Variants in FLVCR2 observed in about 807,000 individuals in gnomAD.
FLVCR2 encodes the protein choline/ethanolamine transporter FLVCR2.
FLVCR2 carries 38 observed loss-of-function variants against 48.9 expected under a neutral mutation model. The observed-to-expected ratio is 0.78, with a 90% CI of 0.60 to 1.02. The LOEUF is 1.02. Ranked by LOEUF, FLVCR2 falls within the 50% of genes least tolerant of loss-of-function variation. FLVCR2 has a pLI of 0.00. For synonymous variants in FLVCR2, 255 were observed against 257.0 expected, an observed-to-expected ratio of 0.99 and a Z score of 0.07; for missense variants, 664 against 663.3, an observed-to-expected ratio of 1.00 and a Z score of -0.01.
At chr14:75,645,933 A>T (rs1385842985) in intron 9 of FLVCR2, among the ~76,000 whole-genome samples, 1 of 151,762 alleles carries the variant, frequency 6.6e-6, no homozygotes, top group African/African-American at 2.4e-5. Flanking sequence ...AAAAAAAAAA[A>T]AAAAAAGTAT....
intron 1 of FLVCR2, among the ~76,000 whole-genome samples, chr14:75,603,490 G>C (rs1019666511): frequency 1.3e-5 from 2 of 152,172 alleles, no homozygotes; most frequent in African/African-American, 2.4e-5. Flanking sequence ...CCCACTGACA[G>C]CCACTTCTAT....
At chr14:75,607,497 C>G (rs945426925) in intron 1 of FLVCR2, among the ~76,000 whole-genome samples, 1 of 152,152 alleles carries the variant, frequency 6.6e-6, no homozygotes, top group Non-Finnish European at 1.5e-5. Context: ...TTTTGAGACT[C>G]AGCAAGGTTC....
intron 9 of FLVCR2, 148 bp downstream of exon 9, chr14:75,642,046 T>C (rs1368890503): frequency 5.5e-6 from 4 of 725,682 alleles, no homozygotes; most frequent in Non-Finnish European, 9.8e-6. Context: ...CATGGCATCC[T>C]AAGACTTTCC....
intron 8 of FLVCR2, 115 bp from the exon 9 acceptor site, chr14:75,641,728 C>T: frequency 1.0e-6 from 1 of 956,472 alleles, no homozygotes. Flanking sequence ...GCTCTCTTGA[C>T]TATCTGAAGT....
chr14:75,617,187 CTGA>C (rs1420617992), intron 1 of FLVCR2, among the ~76,000 whole-genome samples: 2 of 152,100 alleles, frequency 1.3e-5, no homozygotes, highest in African/African-American at 4.8e-5. Flanking sequence ...CAGACGCAGC[CTGA>C]TGATTTTCTG....
At chr14:75,616,585 A>T (rs1212912248) in intron 1 of FLVCR2, among the ~76,000 whole-genome samples, 1 of 152,142 alleles carries the variant, frequency 6.6e-6, no homozygotes, top group Non-Finnish European at 1.5e-5. Context: ...AGAGCTCTGA[A>T]ATCTAAGGGA....
chr14:75,622,079 C>G lies in FLVCR2; in HGVS notation c.670C>G (p.Leu224Val), dbSNP rs142691178. The change falls in exon 2 of 10, where the codon CTT becomes GTT. Residue 224 changes from leucine (L) to valine (V), a missense_variant and splice_region_variant. By Grantham distance (32) the Leu-to-Val change is conservative. Transcript: ENST00000238667. Reference sequence around the variant, plus strand: ...ATTGGGTTGTCTCTGTCTTCTATAGCTTGGAATTGCGATTGGGTTCTTGGT... The same window carrying G: ...ATTGGGTTGTCTCTGTCTTCTATAGGTTGGAATTGCGATTGGGTTCTTGGT... ...ACSVAVFGNQ[L>V]GIAIGFLVPP... is the part of the protein sequence containing the mutation. 1.2e-4 allele frequency: 196 copies of G among 1,614,140 alleles called. No homozygotes were observed. The African/African-American group carries it at 2.4e-3, about 20-fold the overall frequency.
chr14:75,636,472 C>T (rs185010991), intron 5 of FLVCR2, among the ~76,000 whole-genome samples: 1 of 152,284 alleles, frequency 6.6e-6, no homozygotes, highest in Admixed American at 6.5e-5. Context: ...TTTTCCGGGG[C>T]TTGCTCTGCG....
intron 9 of FLVCR2, among the ~76,000 whole-genome samples, chr14:75,644,688 A>G (rs1890379575): frequency 6.6e-6 from 1 of 152,192 alleles, no homozygotes; most frequent in African/African-American, 2.4e-5. Flanking sequence ...AGCCAGGGCC[A>G]TCACAGAGCA....
rs1318361875 is a variant in FLVCR2, at chr14:75,578,741, T to G, written c.-232T>G. 1 of 595,296 alleles carries G rather than the reference T, an allele frequency of 1.7e-6. No homozygotes were observed. The highest frequency in any genetic ancestry group is 2.8e-5 in the East Asian group (1 of 35,182). The allele number at this position is 595,296 out of a possible 1,614,324, so 36.9% of individuals were successfully genotyped here. A position where few individuals can be genotyped will look rare whatever the true frequency, so the allele number is the denominator to read the frequency against. On this transcript the variant is annotated 5_prime_UTR_variant, in exon 1 of 10. Transcript: ENST00000238667. ...CGGCTGCGGCGTGTGCGGCCGGCCT[T>G]GGGACAGCGATCGCCGCGGGTGGCA...
intron 1 of FLVCR2, among the ~76,000 whole-genome samples, chr14:75,599,505 TTCATG>T (rs755766124): frequency 1.3e-5 from 2 of 152,344 alleles, no homozygotes; most frequent in Non-Finnish European, 2.9e-5. Context: ...ATTGGAAGAC[TTCATG>T]TTAAGATGTC....
intron 3 of FLVCR2, among the ~76,000 whole-genome samples, chr14:75,628,017 T>G (rs1889950074): frequency 6.6e-6 from 1 of 152,260 alleles, no homozygotes; most frequent in Admixed American, 6.5e-5. Context: ...AGTTTTAGCT[T>G]CTTGCCTATA....
chr14:75,605,731 A>T, intron 1 of FLVCR2: 1 of 1,070,782 alleles, frequency 9.3e-7, no homozygotes, highest in Non-Finnish European at 1.4e-6. Context: ...TTGCTTCTCC[A>T]GAGAGGAGTT....
At chr14:75,614,248 G>T (rs575877501) in intron 1 of FLVCR2, among the ~76,000 whole-genome samples, 1 of 152,202 alleles carries the variant, frequency 6.6e-6, no homozygotes, top group South Asian at 2.1e-4. Context: ...TGAGAACCTT[G>T]TCTAGACTTA....
intron 6 of FLVCR2, 53 bp from the exon 7 acceptor site, chr14:75,640,902 C>A: frequency 7.6e-7 from 1 of 1,311,524 alleles, no homozygotes; most frequent in Non-Finnish European, 1.1e-6. Context: ...GGCTCCCCAT[C>A]CTTCTTGTTC....
chr14:75,595,944 T>C, intron 1 of FLVCR2: 1 of 1,463,260 alleles, frequency 6.8e-7, no homozygotes, highest in Non-Finnish European at 9.5e-7. Flanking sequence ...AAGTCTATGT[T>C]TGGGTTCATT....
chr14:75,592,727 G>A (rs906426552), intron 1 of FLVCR2, among the ~76,000 whole-genome samples: 3 of 152,054 alleles, frequency 2.0e-5, no homozygotes, highest in East Asian at 3.9e-4. Context: ...GGTGGCTCAT[G>A]CCTGTAATCA....
In FLVCR2 at chr14:75,611,639, G is replaced by A. The variant is rs568167230; in HGVS notation, c.670-10440G>A. ...TGTGGTCGCAGCTACTTGGGAGGCC[G>A]AGGTGAGAGGATTGCTTGAGCCAGG... On this transcript the variant is annotated intron_variant, in intron 1 of 9. Coordinates refer to ENST00000238667, the MANE Select transcript of FLVCR2 (RefSeq NM_017791.3). Among the ~76,000 whole-genome samples, 5 of 152,236 alleles carry A rather than the reference G, an allele frequency of 3.3e-5. 1 individual carries two copies. The highest frequency in any genetic ancestry group is 4.1e-4 in the South Asian group (2 of 4,828).
intron 1 of FLVCR2, among the ~76,000 whole-genome samples, chr14:75,608,294 G>T (rs1889349622): frequency 6.6e-6 from 1 of 152,154 alleles, no homozygotes; most frequent in Non-Finnish European, 1.5e-5. Flanking sequence ...CATCGGCAAA[G>T]AAAGGAAGCT....
Sources: allele counts gnomAD v4.1 joint callset (sites outside exome capture counted in the v4.1 genomes callset), GRCh38; gene constraint gnomAD v4.1.1; transcripts MANE v1.5; gene names NCBI Gene and HGNC (gene_info 2026-07-23, HGNC 2026-07-21).